Variants in ALK observed in about 807,000 individuals in gnomAD.
ALK encodes the protein ALK tyrosine kinase receptor.
In ALK, 74 loss-of-function variants were observed where a neutral mutation model predicts 163.1. The observed-to-expected ratio is 0.45, with a 90% CI of 0.38 to 0.55. The LOEUF (loss-of-function observed/expected upper bound fraction) is 0.55. ALK is among the 20% of genes least tolerant of loss of function. ALK has a pLI of 0.00. For synonymous variants in ALK, 960 were observed against 843.2 expected (o/e 1.14, Z -2.40); for missense variants, 2,063 against 2,105.3 (o/e 0.98, Z 0.39).
chr2:29,212,104 A>G (rs1239291707), intron 24 of ALK, among the ~76,000 whole-genome samples: 1 of 152,230 alleles, frequency 6.6e-6, no homozygotes, highest in Non-Finnish European at 1.5e-5. Flanking sequence ...CAACGTGGGC[A>G]GAGATAAAAA....
At chr2:29,339,927 C>A (rs1362770947) in intron 5 of ALK, among the ~76,000 whole-genome samples, 1 of 152,198 alleles carries the variant, frequency 6.6e-6, no homozygotes, top group Non-Finnish European at 1.5e-5. Context: ...CGCAGGAAGG[C>A]AGAGTGCGTT....
In ALK at chr2:29,305,406, T is replaced by C. The variant is rs76280456; in HGVS notation, c.1648-8349A>G. Among the ~76,000 whole-genome samples, 95 of 152,310 alleles carry C rather than the reference T, an allele frequency of 6.2e-4. No individual in the cohort carries two copies. In the East Asian group the frequency reaches 0.011, roughly 17 times the overall value. ...CCTGCAGATAAGGTTTTTACCAATT[T>C]CTTAATTAGAAGACCTGGAGGCCTG... On this transcript the variant is annotated intron_variant, in intron 8 of 28. Transcript: ENST00000389048.
rs868511197 is a variant in ALK at position 29,383,964 on chromosome 2, C to T, written c.1155-105G>A. ...GTCCTTGCAGGGACTTCAGGACTCACATTCTTCATGGGCACCAAGAGATGG... is the reference window on the plus strand; with the variant it reads ...GTCCTTGCAGGGACTTCAGGACTCATATTCTTCATGGGCACCAAGAGATGG... On this transcript the variant is annotated intron_variant, in intron 4 of 28. Transcript: ENST00000389048. 53 of 1,423,564 alleles carry T rather than the reference C, an allele frequency of 3.7e-5. No homozygotes were observed. The African/African-American group carries it at 6.8e-4, about 18-fold the overall frequency. 88.2% of individuals were successfully genotyped at this position (1,423,564 alleles called of 1,614,324 possible).
At chr2:29,720,212 A>T (rs1048676812) in intron 1 of ALK, among the ~76,000 whole-genome samples, 6 of 151,110 alleles carry the variant, frequency 4.0e-5, no homozygotes, top group Non-Finnish European at 5.9e-5. Flanking sequence ...TCAGGGGTTT[A>T]AAAAAAAAGA....
chr2:29,397,147 T>C (rs1669330501), intron 4 of ALK, among the ~76,000 whole-genome samples: 1 of 152,144 alleles, frequency 6.6e-6, no homozygotes, highest in Admixed American at 6.5e-5. Context: ...AATGTGACTT[T>C]ATGTGATAAC....
intron 4 of ALK, among the ~76,000 whole-genome samples, chr2:29,403,709 C>CAAAAAAAAA (rs67270103): frequency 6.7e-5 from 5 of 74,184 alleles, no homozygotes; most frequent in African/African-American, 1.2e-4. Flanking sequence ...CAGGTCTCTA[C>CAAAAAAAAA]AAAAAAAAAA....
At chr2:29,687,021 T>A (rs1353990961) in intron 3 of ALK, among the ~76,000 whole-genome samples, 1 of 152,002 alleles carries the variant, frequency 6.6e-6, no homozygotes, top group Non-Finnish European at 1.5e-5. Flanking sequence ...ATGTGGGCTT[T>A]CCTGGTGAAT....
chr2:29,820,406 C>T (rs1665016517), intron 1 of ALK, among the ~76,000 whole-genome samples: 1 of 152,182 alleles, frequency 6.6e-6, no homozygotes, highest in Admixed American at 6.5e-5. Flanking sequence ...GAGCCAGAAC[C>T]ATCTAGCTAG....
intron 3 of ALK, among the ~76,000 whole-genome samples, chr2:29,685,535 T>G (rs192347139): frequency 6.6e-6 from 1 of 152,152 alleles, no homozygotes; most frequent in Non-Finnish European, 1.5e-5. Context: ...CCAGCCAGAA[T>G]TCATTGGATA....
At chr2:29,574,065 T>TA (rs5830124) in intron 3 of ALK, among the ~76,000 whole-genome samples, 132,159 of 149,760 alleles carry the variant, frequency 0.88, 58,836 homozygotes, top group East Asian at 0.99. Context: ...CTGAAAAAAA[T>TA]AAAAAAAAAA....
chr2:29,541,082 T>C (rs1053065988), intron 3 of ALK, among the ~76,000 whole-genome samples: 1 of 152,210 alleles, frequency 6.6e-6, no homozygotes, highest in East Asian at 1.9e-4. Context: ...CTGCATCATA[T>C]ATAGAGCCTA....
At chr2:29,417,426 A>G (rs1669908229) in intron 4 of ALK, among the ~76,000 whole-genome samples, 1 of 152,172 alleles carries the variant, frequency 6.6e-6, no homozygotes, top group Non-Finnish European at 1.5e-5. Flanking sequence ...TGTATTGTAA[A>G]ATGAGTTCTG....
At chr2:29,307,723 A>G (rs1373598735) in intron 8 of ALK, among the ~76,000 whole-genome samples, 4 of 152,258 alleles carry the variant, frequency 2.6e-5, no homozygotes, top group Admixed American at 2.0e-4. Context: ...AGCTATAAAT[A>G]GCCTAATGAC....
chr2:29,870,249 A>T (rs964578642), intron 1 of ALK, among the ~76,000 whole-genome samples: 13 of 152,248 alleles, frequency 8.5e-5, no homozygotes, highest in Non-Finnish European at 1.5e-4. Flanking sequence ...TAATAAGCTC[A>T]TAGTTTTGCA....
intron 3 of ALK, among the ~76,000 whole-genome samples, chr2:29,671,219 G>A (rs1677676091): frequency 6.6e-6 from 1 of 151,988 alleles, no homozygotes; most frequent in Non-Finnish European, 1.5e-5. Flanking sequence ...TGAAGCCCAG[G>A]TTCACCTCTG....
At chr2:29,784,608 T>C (rs1273381025) in intron 1 of ALK, among the ~76,000 whole-genome samples, 1 of 152,028 alleles carries the variant, frequency 6.6e-6, no homozygotes, top group Non-Finnish European at 1.5e-5. Flanking sequence ...AGCAGAAGAA[T>C]CGCTTGAACC....
In ALK at chr2:29,403,709, C is replaced by CAAAA. The variant is rs67270103; in HGVS notation, c.1155-19854_1155-19851dup. ...CAGGCAACAGTGAGACAGGTCTCTA[C>CAAAA]AAAAAAAAAAAAAAAAAAAAAAAAA... is the stretch of plus-strand genomic sequence containing the variant. On this transcript the variant is annotated intron_variant, in intron 4 of 28. Coordinates refer to ENST00000389048, the MANE Select transcript of ALK (RefSeq NM_004304.5). 7.0e-4 allele frequency among the ~76,000 whole-genome samples: 52 copies of CAAAA among 74,180 alleles called. 1 individual carries two copies. Among genetic ancestry groups the CAAAA allele is most frequent in the African/African-American group, 2.3e-3 (37 of 16,360 alleles). The allele number at this position is 74,180 out of a possible 152,430, so 48.7% of individuals were successfully genotyped here. A position where few individuals can be genotyped will look rare whatever the true frequency, so the allele number is the denominator to read the frequency against.
intron 1 of ALK, among the ~76,000 whole-genome samples, chr2:29,851,024 C>T (rs1286812281): frequency 6.6e-6 from 1 of 152,030 alleles, no homozygotes; most frequent in Admixed American, 6.5e-5. Flanking sequence ...TAACTTTCTG[C>T]CTCCTTCATA....
intron 26 of ALK, among the ~76,000 whole-genome samples, chr2:29,204,151 G>A (rs1176441656): frequency 6.6e-6 from 1 of 151,898 alleles, no homozygotes; most frequent in Admixed American, 6.6e-5. Context: ...ATGAATACAC[G>A]GAGTTCTCCT....
Sources: gnomAD v4.1 joint callset for allele counts (sites outside exome capture counted in the v4.1 genomes callset) on GRCh38, gnomAD v4.1.1 for gene constraint, MANE v1.5 for transcripts, NCBI Gene and HGNC (gene_info 2026-07-23, HGNC 2026-07-21) for gene names.